Variants in ZNF345 observed in about 807,000 individuals in gnomAD.
ZNF345 encodes the protein zinc finger protein HZF10.
For missense variants in ZNF345, 527 were observed against 589.9 expected, an observed-to-expected ratio of 0.89 and a Z score of 1.10; for synonymous variants, 166 against 187.9, an observed-to-expected ratio of 0.88 and a Z score of 0.95.
intron 2 of ZNF345, among the ~76,000 whole-genome samples, chr19:36,867,201 G>C (rs1221404244): frequency 6.6e-6 from 1 of 152,126 alleles, no homozygotes; most frequent in African/African-American, 2.4e-5. Context: ...TACCTACCTA[G>C]TATACTTAGT....
At chr19:36,892,417 C>A in intron 3 of ZNF345, 2 of 1,609,648 alleles carry the variant, frequency 1.2e-6, no homozygotes, top group South Asian at 2.2e-5. Flanking sequence ...TATTACTTGA[C>A]TGAAATGTCT....
intron 2 of ZNF345, among the ~76,000 whole-genome samples, chr19:36,863,775 T>C (rs894261483): frequency 6.6e-6 from 1 of 152,220 alleles, no homozygotes; most frequent in Non-Finnish European, 1.5e-5. Flanking sequence ...CATAAGTTAA[T>C]CCATCCCACA....
intron 2 of ZNF345, among the ~76,000 whole-genome samples, chr19:36,874,144 A>G (rs1156307628): frequency 2.0e-5 from 3 of 152,148 alleles, no homozygotes; most frequent in Non-Finnish European, 4.4e-5. Flanking sequence ...GGCTTTCCTT[A>G]CTTTTAGTTA....
chr19:36,878,200 AG>A lies in ZNF345; in HGVS notation c.1371del (p.Asn458ThrfsTer30). 4 of 1,614,176 alleles carry A rather than the reference AG, an allele frequency of 2.5e-6. No homozygotes were observed. The highest frequency in any genetic ancestry group is 3.4e-6 in the Non-Finnish European group (4 of 1,180,006). On this transcript the variant is annotated frameshift_variant, in exon 3 of 3. Coordinates refer to ENST00000420450, the MANE Select transcript of ZNF345 (RefSeq NM_001242472.2). LOFTEE classifies it low-confidence loss of function (END_TRUNC). Reference sequence around the variant, plus strand: ...ACAGGTGAGAAACTTTATGAATGTAAGAACTGTGGGAAGGCTTATGGGAGGG... The same window carrying A: ...ACAGGTGAGAAACTTTATGAATGTAAAACTGTGGGAAGGCTTATGGGAGGG... ...IHTGEKLYECKNCGKAYGRDS... is the reference protein window; with the variant it reads ...IHTGEKLYECXNCGKAYGRDS...
chr19:36,887,768 T>C (rs868675054), intron 3 of ZNF345, among the ~76,000 whole-genome samples: 1 of 152,180 alleles, frequency 6.6e-6, no homozygotes, highest in Non-Finnish European at 1.5e-5. Flanking sequence ...CTTCAACATT[T>C]TACTCCATCT....
intron 3 of ZNF345, among the ~76,000 whole-genome samples, chr19:36,886,228 G>T (rs1202062978): frequency 6.6e-6 from 1 of 152,158 alleles, no homozygotes; most frequent in African/African-American, 2.4e-5. Flanking sequence ...CTGCCTTCAG[G>T]AAAGTGGAGC....
chr19:36,861,225 G>C (rs943273000), intron 2 of ZNF345, among the ~76,000 whole-genome samples: 2 of 152,138 alleles, frequency 1.3e-5, no homozygotes, highest in Non-Finnish European at 2.9e-5. Context: ...ATGATAAGAT[G>C]TTCCAGGCTC....
chr19:36,872,055 C>T (rs989996075), intron 2 of ZNF345, among the ~76,000 whole-genome samples: 2 of 152,152 alleles, frequency 1.3e-5, no homozygotes, highest in Non-Finnish European at 2.9e-5. Flanking sequence ...GCATGAGTCA[C>T]CATGCCCGGC....
At chr19:36,885,995 G>A (rs1483443995) in intron 3 of ZNF345, among the ~76,000 whole-genome samples, 4 of 152,016 alleles carry the variant, frequency 2.6e-5, no homozygotes, top group African/African-American at 9.7e-5. Flanking sequence ...GTCTGTTTGT[G>A]TAGCTTTCAG....
At chr19:36,892,428 C>CT (rs781104933) in intron 3 of ZNF345, 20 of 1,605,768 alleles carry the variant, frequency 1.2e-5, no homozygotes, top group Non-Finnish European at 1.7e-5. Context: ...TGAAATGTCT[C>CT]TTCTTTAGAG....
intron 2 of ZNF345, among the ~76,000 whole-genome samples, chr19:36,857,156 G>A (rs1208118504): frequency 3.3e-5 from 5 of 151,814 alleles, no homozygotes; most frequent in Non-Finnish European, 7.4e-5. Flanking sequence ...TTTCACCAAG[G>A]CTTTTTTGTT....
chr19:36,874,617 T>C (rs2072845289), intron 2 of ZNF345, among the ~76,000 whole-genome samples: 1 of 150,564 alleles, frequency 6.6e-6, no homozygotes, highest in Admixed American at 6.6e-5. Context: ...CCTGTATTAC[T>C]AAAAATACAA....
At chr19:36,873,512 C>T (rs1259667357) in intron 2 of ZNF345, among the ~76,000 whole-genome samples, 3 of 152,110 alleles carry the variant, frequency 2.0e-5, no homozygotes, top group African/African-American at 7.2e-5. Flanking sequence ...TAAAAATCTA[C>T]TCTCATCAAA....
intron 2 of ZNF345, among the ~76,000 whole-genome samples, chr19:36,859,509 G>C (rs574514291): frequency 2.3e-4 from 35 of 150,218 alleles, no homozygotes; most frequent in Non-Finnish European, 4.3e-4. Flanking sequence ...TTTTAATTTT[G>C]AGATTCTTTT....
rs780185924 is a variant in ZNF345 at position 36,877,691 on chromosome 19, A to G, written c.861A>G (p.Val287=). 4.3e-6 allele frequency: 7 copies of G among 1,613,806 alleles called. No individual in the cohort carries two copies. The highest frequency in any genetic ancestry group is 2.2e-5 in the East Asian group (1 of 44,840). The change falls in exon 3 of 3, where the codon GTA becomes GTG. Residue 287 remains valine, a synonymous_variant. Transcript: ENST00000420450. ...QRIHTGEKPY[V]CKECGKAFNS... Reference sequence around the variant, plus strand: ...TTCATACTGGTGAGAAACCTTATGTATGTAAGGAATGTGGGAAGGCTTTTA... The same window carrying G: ...TTCATACTGGTGAGAAACCTTATGTGTGTAAGGAATGTGGGAAGGCTTTTA...
At chr19:36,866,534 G>A (rs2072663292) in intron 2 of ZNF345, among the ~76,000 whole-genome samples, 1 of 146,932 alleles carries the variant, frequency 6.8e-6, no homozygotes, top group African/African-American at 2.7e-5. Context: ...AATAATATAT[G>A]TGTTCTTTTA....
At chr19:36,861,677 G>C (rs1395271303) in intron 2 of ZNF345, among the ~76,000 whole-genome samples, 3 of 151,764 alleles carry the variant, frequency 2.0e-5, no homozygotes, top group Non-Finnish European at 2.9e-5. Flanking sequence ...CCTCTTGCCT[G>C]AGCCTCCCAA....
At chr19:36,886,492 T>G (rs1244570997) in intron 3 of ZNF345, among the ~76,000 whole-genome samples, 1 of 152,204 alleles carries the variant, frequency 6.6e-6, no homozygotes, top group African/African-American at 2.4e-5. Flanking sequence ...ATCAGTCAGA[T>G]CTTAGCGGAG....
chr19:36,876,591 C>G (rs1405673623), intron 2 of ZNF345, among the ~76,000 whole-genome samples, 194 bp from the exon 3 acceptor site: 1 of 152,136 alleles, frequency 6.6e-6, no homozygotes, highest in East Asian at 1.9e-4. Context: ...CCTCCACTTT[C>G]TAGTCTGACT....
Sources: allele counts gnomAD v4.1 joint callset (sites outside exome capture counted in the v4.1 genomes callset), GRCh38; gene constraint gnomAD v4.1.1; transcripts MANE v1.5; gene names NCBI Gene and HGNC (gene_info 2026-07-23, HGNC 2026-07-21).